Variants in CPNE4 observed in about 807,000 individuals in gnomAD.
CPNE4 encodes the protein copine-4.
Under a neutral mutation model 67.9 loss-of-function variants are expected in CPNE4, and 25 were observed. The ratio of observed to expected loss-of-function variants is 0.37; its 90% CI spans 0.27 to 0.51. The LOEUF (loss-of-function observed/expected upper bound fraction) is 0.51, where lower values mean the gene tolerates loss of function less well. CPNE4 is among the 20% of genes least tolerant of loss of function. The probability of loss-of-function intolerance (pLI) is 0.93; values close to 1 mark genes in which losing one functional copy is unlikely to be tolerated. For synonymous variants in CPNE4, 242 were observed against 244.9 expected, an observed-to-expected ratio of 0.99 and a Z score of 0.11; for missense variants, 464 against 690.8, an observed-to-expected ratio of 0.67 and a Z score of 3.68.
intron 2 of CPNE4, among the ~76,000 whole-genome samples, chr3:131,828,283 A>G (rs2085673592): frequency 6.6e-6 from 1 of 152,200 alleles, no homozygotes; most frequent in South Asian, 2.1e-4. Flanking sequence ...TCAATACTAT[A>G]ATCAAGATAT....
At chr3:131,696,868 G>C (rs1012993916) in intron 4 of CPNE4, among the ~76,000 whole-genome samples, 3 of 152,114 alleles carry the variant, frequency 2.0e-5, no homozygotes, top group African/African-American at 7.2e-5. Flanking sequence ...GACCCAAGCT[G>C]AAGGAAAAAA....
intron 5 of CPNE4, among the ~76,000 whole-genome samples, chr3:131,687,602 G>A (rs2080924684): frequency 1.3e-5 from 2 of 152,120 alleles, no homozygotes; most frequent in Non-Finnish European, 2.9e-5. Context: ...AGTCAAACTC[G>A]TTATTTTCCT....
intron 2 of CPNE4, among the ~76,000 whole-genome samples, chr3:131,903,170 T>C (rs2088614858): frequency 6.6e-6 from 1 of 152,134 alleles, no homozygotes; most frequent in Non-Finnish European, 1.5e-5. Flanking sequence ...ACCTTCCGGC[T>C]GCTTATAAAC....
intron 1 of CPNE4, among the ~76,000 whole-genome samples, chr3:131,942,461 TGTGAGAGAGAGAGAGAGAGAGAGA>T (rs1224107130): frequency 0.016 from 943 of 57,626 alleles, 11 homozygotes; most frequent in African/African-American, 0.045. Flanking sequence ...TGTGTGTGTG[TGTGAGAGAGAGAGAGAGAGAGAGA>T]GAGAGAGAGA....
At chr3:131,814,627 C>T (rs928157116) in intron 2 of CPNE4, among the ~76,000 whole-genome samples, 2 of 67,308 alleles carry the variant, frequency 3.0e-5, no homozygotes, top group East Asian at 4.4e-4. Context: ...TTTTTTGAGA[C>T]GGAGTCTCGC....
chr3:131,965,094 T>C (rs2072305020), intron 1 of CPNE4, among the ~76,000 whole-genome samples: 1 of 152,192 alleles, frequency 6.6e-6, no homozygotes, highest in South Asian at 2.1e-4. Flanking sequence ...AAAAGAATTT[T>C]CAACCCAGAA....
chr3:131,988,381 G>A (rs1414324717), intron 1 of CPNE4, among the ~76,000 whole-genome samples: 1 of 152,132 alleles, frequency 6.6e-6, no homozygotes, highest in Non-Finnish European at 1.5e-5. Context: ...GCAGGAGAGT[G>A]GCATAATCAG....
chr3:132,001,557 A>AAGAAAGAG lies in CPNE4; in HGVS notation c.-2+33009_-2+33010insCTCTTTCT, dbSNP rs1401886260. On this transcript the variant is annotated intron_variant, in intron 1 of 15. Transcript: ENST00000429747. ...AAGAAAGAGACAAAGAAAAAAGAGA[A>AAGAAAGAG]AGAAAGAAAGAAAGAAAGAAAGAAA... Among the ~76,000 whole-genome samples the AAGAAAGAG allele has an allele frequency of 1.1e-4, 8 of 70,640 alleles. 1 individual carries two copies. In the East Asian group the frequency reaches 2.4e-3, roughly 22 times the overall value. 46.3% of individuals were successfully genotyped at this position (70,640 alleles called of 152,430 possible).
chr3:131,644,537 C>T (rs2107799848), intron 7 of CPNE4, among the ~76,000 whole-genome samples: 1 of 152,218 alleles, frequency 6.6e-6, no homozygotes, highest in Middle Eastern at 3.4e-3. Context: ...TATGTTTTTG[C>T]CAACAGTTAT....
intron 1 of CPNE4, among the ~76,000 whole-genome samples, chr3:132,005,785 T>G (rs1377332436): frequency 6.6e-6 from 1 of 150,738 alleles, no homozygotes. Flanking sequence ...CTGCATTTAA[T>G]TGAAAAAAAA....
intron 2 of CPNE4, among the ~76,000 whole-genome samples, chr3:131,866,488 G>A (rs1583363191): frequency 6.6e-6 from 1 of 152,152 alleles, no homozygotes; most frequent in African/African-American, 2.4e-5. Flanking sequence ...ACTTTTTCAG[G>A]AATCCCCTGC....
In CPNE4 at chr3:132,023,589, G is replaced by A. The variant is rs577054306; in HGVS notation, c.-2+10978C>T. 8.2e-4 allele frequency among the ~76,000 whole-genome samples: 113 copies of A among 138,606 alleles called. No homozygotes were observed. The South Asian group carries it at 0.021, about 26-fold the overall frequency. 90.9% of individuals were successfully genotyped at this position (138,606 alleles called of 152,430 possible). On this transcript the variant is annotated intron_variant, in intron 1 of 15. Transcript: ENST00000429747. ...TGCAAGCTCCGCCTCCCGGGTTCAC[G>A]CCATTCTCCTGCCTCAGCCTCCCGA... is the stretch of plus-strand genomic sequence containing the variant.
intron 3 of CPNE4, among the ~76,000 whole-genome samples, chr3:131,706,354 G>A (rs1420146260): frequency 2.0e-5 from 3 of 152,200 alleles, no homozygotes; most frequent in South Asian, 4.1e-4. Context: ...TGAAAACACC[G>A]ATTATGTGAC....
At chr3:131,829,164 C>A (rs1452079887) in intron 2 of CPNE4, among the ~76,000 whole-genome samples, 1 of 152,104 alleles carries the variant, frequency 6.6e-6, no homozygotes, top group African/African-American at 2.4e-5. Flanking sequence ...AATGGAAAGG[C>A]CTTCCCCCAT....
chr3:131,577,998 G>A (rs1398477916), intron 9 of CPNE4, among the ~76,000 whole-genome samples: 2 of 152,064 alleles, frequency 1.3e-5, no homozygotes, highest in South Asian at 2.1e-4. Flanking sequence ...AAAATTATAA[G>A]TTGAGTCATC....
At chr3:131,850,119 T>G (rs1163798320) in intron 2 of CPNE4, among the ~76,000 whole-genome samples, 1 of 152,180 alleles carries the variant, frequency 6.6e-6, no homozygotes, top group Non-Finnish European at 1.5e-5. Context: ...ATCCATCATT[T>G]CCATTTCTCT....
intron 2 of CPNE4, among the ~76,000 whole-genome samples, chr3:131,855,336 T>A (rs1277685870): frequency 6.6e-6 from 1 of 151,980 alleles, no homozygotes; most frequent in Non-Finnish European, 1.5e-5. Flanking sequence ...GCAATGGAAT[T>A]GTGCCCACTA....
intron 1 of CPNE4, among the ~76,000 whole-genome samples, chr3:132,026,670 G>C (rs1258514536): frequency 2.0e-5 from 3 of 152,028 alleles, no homozygotes; most frequent in African/African-American, 7.2e-5. Context: ...TTTTCTGCAA[G>C]ATAAATGCAT....
chr3:131,859,399 C>A (rs1666775649), intron 2 of CPNE4, among the ~76,000 whole-genome samples: 1 of 152,156 alleles, frequency 6.6e-6, no homozygotes, highest in Non-Finnish European at 1.5e-5. Flanking sequence ...TTGTAAACCA[C>A]CTACAGTTGA....
Sources: gnomAD v4.1 joint callset for allele counts (sites outside exome capture counted in the v4.1 genomes callset) on GRCh38, gnomAD v4.1.1 for gene constraint, MANE v1.5 for transcripts, NCBI Gene and HGNC (gene_info 2026-07-23, HGNC 2026-07-21) for gene names.